HMGXB3: variants seen among roughly 807,000 people sequenced by gnomAD.
HMGXB3 encodes HMG-box containing 3, also known as HMG domain-containing protein 3.
Under a neutral mutation model 121.5 loss-of-function variants are expected in HMGXB3, and 45 were observed. That is an observed-to-expected ratio of 0.37 (90% CI 0.29 to 0.47). HMGXB3 has a LOEUF of 0.47. HMGXB3 is among the 20% of genes least tolerant of loss of function. The probability of loss-of-function intolerance (pLI) is 0.99; values close to 1 mark genes in which losing one functional copy is unlikely to be tolerated. For missense variants in HMGXB3, 1,376 were observed against 1,602.2 expected (o/e 0.86, Z 2.41); for synonymous variants, 590 against 624.1 (o/e 0.95, Z 0.81).
At chr5:150,002,277 C>T (rs2113718688) in intron 1 of HMGXB3, among the ~76,000 whole-genome samples, 1 of 152,110 alleles carries the variant, frequency 6.6e-6, no homozygotes, top group East Asian at 1.9e-4. Flanking sequence ...GCTTTCGCAA[C>T]ATTGTCAAAA....
At chr5:150,012,418 A>G in intron 5 of HMGXB3, 65 bp downstream of exon 5, 1 of 1,146,522 alleles carries the variant, frequency 8.7e-7, no homozygotes, top group Non-Finnish European at 1.3e-6. Flanking sequence ...TTCTAAGTAG[A>G]TTTGTCTTTT....
chr5:150,025,910 A>G (rs1756218527), intron 7 of HMGXB3, among the ~76,000 whole-genome samples: 1 of 151,422 alleles, frequency 6.6e-6, no homozygotes, highest in African/African-American at 2.4e-5. Context: ...GTCTCACTGC[A>G]AGCTCCGCCT....
intron 3 of HMGXB3, among the ~76,000 whole-genome samples, chr5:150,008,885 T>G (rs1052437478): frequency 6.6e-6 from 1 of 152,260 alleles, no homozygotes; most frequent in Non-Finnish European, 1.5e-5. Context: ...TCAGTCCATC[T>G]GCTTTTATGT....
intron 4 of HMGXB3, among the ~76,000 whole-genome samples, chr5:150,011,814 G>A (rs7711702): frequency 0.046 from 6,902 of 151,442 alleles, 542 homozygotes; most frequent in African/African-American, 0.16. Flanking sequence ...GTTTCACCAC[G>A]TTGGCCAGGC....
chr5:150,027,202 C>A, intron 9 of HMGXB3, 85 bp downstream of exon 9: 1 of 1,021,106 alleles, frequency 9.8e-7, no homozygotes, highest in Non-Finnish European at 1.4e-6. Flanking sequence ...AAAGGCACAT[C>A]CCATTTCTTA....
Position 150,051,987 on chromosome 5 carries a change from C to T in HMGXB3, c.3674C>T (p.Ala1225Val), listed in dbSNP as rs1219532512. ...VRQRPIAFDN[A>V]THYYLYNRLM... ...CAGCGGCCCATTGCCTTCGACAATG[C>T]CACTCACTATTACCTCTACAACCGC... Residue 1225 changes from alanine to valine, a missense_variant, in exon 20 of 20, where the codon GCC becomes GTC. By Grantham distance (64) the Ala-to-Val change is moderately conservative. Coordinates refer to ENST00000502717, the MANE Select transcript of HMGXB3 (RefSeq NM_014983.3). The T allele has an allele frequency of 9.0e-6, 14 of 1,552,092 alleles. No homozygotes were observed. The highest frequency in any genetic ancestry group is 4.8e-5 in the South Asian group (4 of 84,064).
At chr5:150,015,709 C>A (rs1009531184) in intron 5 of HMGXB3, among the ~76,000 whole-genome samples, 1 of 152,204 alleles carries the variant, frequency 6.6e-6, no homozygotes, top group Non-Finnish European at 1.5e-5. Context: ...CAAATACTTT[C>A]TAATTTACTT....
intron 15 of HMGXB3, among the ~76,000 whole-genome samples, chr5:150,042,808 C>CT (rs752377961): frequency 3.9e-5 from 6 of 152,176 alleles, no homozygotes; most frequent in Non-Finnish European, 5.9e-5. Flanking sequence ...ACTCAGATGG[C>CT]TTCATAGATT....
intron 3 of HMGXB3, among the ~76,000 whole-genome samples, chr5:150,009,877 C>G (rs550710168): frequency 1.8e-4 from 27 of 152,220 alleles, no homozygotes; most frequent in Admixed American, 1.0e-3. Context: ...CATGCTGTTT[C>G]CTGTGTGACT....
intron 11 of HMGXB3, among the ~76,000 whole-genome samples, chr5:150,036,236 C>T (rs952583987): frequency 5.3e-5 from 8 of 152,178 alleles, no homozygotes; most frequent in Non-Finnish European, 8.8e-5. Context: ...GTTGACTATC[C>T]TGTATCTGAA....
chr5:150,006,524 G>GC lies in HMGXB3; in HGVS notation c.190dup (p.Leu64ProfsTer8). 1 of 1,551,944 alleles carries GC rather than the reference G, an allele frequency of 6.4e-7. No homozygotes were observed. Among genetic ancestry groups the GC allele is most frequent in the Non-Finnish European group, 8.7e-7 (1 of 1,147,036 alleles). ...ACATCTACCTGAAAGTGCAGCAGGA[G>GC]CTCCCCCACCTCCCTCAGTCTGAGA... On this transcript the variant is annotated frameshift_variant, in exon 3 of 20. Coordinates refer to ENST00000502717, the MANE Select transcript of HMGXB3 (RefSeq NM_014983.3).
chr5:150,021,633 A>G, intron 6 of HMGXB3: 1 of 520,120 alleles, frequency 1.9e-6, no homozygotes, highest in South Asian at 1.5e-5. Flanking sequence ...TAATTTGCTT[A>G]ACAATCTCAG....
chr5:150,031,281 G>A (rs1756371517), intron 10 of HMGXB3, among the ~76,000 whole-genome samples: 1 of 152,188 alleles, frequency 6.6e-6, no homozygotes, highest in African/African-American at 2.4e-5. Context: ...AGCTTATTTT[G>A]TTTAGCCTAG....
chr5:150,002,439 T>C (rs1395067970), intron 1 of HMGXB3, among the ~76,000 whole-genome samples: 2 of 152,208 alleles, frequency 1.3e-5, no homozygotes, highest in African/African-American at 4.8e-5. Context: ...CATTATACCT[T>C]ATTTGTGGAG....
chr5:150,010,000 T>G, intron 3 of HMGXB3, 111 bp from the exon 4 acceptor site: 1 of 1,209,750 alleles, frequency 8.3e-7, no homozygotes, highest in Non-Finnish European at 1.1e-6. Flanking sequence ...TCCAGTCCCT[T>G]TTGCAGGAAA....
chr5:150,005,137 T>C, intron 2 of HMGXB3, 148 bp downstream of exon 2: 17 of 1,098,934 alleles, frequency 1.5e-5, no homozygotes, highest in Non-Finnish European at 2.0e-5. Context: ...AGTGGAGGGA[T>C]TTCTGCCAGC....
In HMGXB3 at chr5:150,052,204, G is replaced by A. The variant is rs1412309751; in HGVS notation, c.*12G>A. On this transcript the variant is annotated 3_prime_UTR_variant, in exon 20 of 20. Transcript: ENST00000502717. ...CAGTGGCAGAATAAGCCAGGCTGTT[G>A]TACAGGGACTACACCATCTCTCAAG... The A allele has an allele frequency of 3.9e-6, 6 of 1,522,202 alleles. No homozygotes were observed. The highest frequency in any genetic ancestry group is 1.2e-5 in the South Asian group (1 of 82,502). 94.3% of individuals were successfully genotyped at this position (1,522,202 alleles called of 1,614,324 possible).
Position 150,036,749 on chromosome 5 carries a change from T to G in HMGXB3, c.2097T>G (p.Ile699Met), listed in dbSNP as rs1212790479. 2 of 1,551,704 alleles carry G rather than the reference T, an allele frequency of 1.3e-6. No individual in the cohort carries two copies. The highest frequency in any genetic ancestry group is 2.0e-5 in the Admixed American group (1 of 51,002). The change falls in exon 12 of 20, where the codon ATT becomes ATG. Residue 699 changes from isoleucine (I) to methionine (M), a missense_variant. Ile to Met is a conservative substitution (Grantham distance 10, BLOSUM62 1). Coordinates refer to ENST00000502717, the MANE Select transcript of HMGXB3 (RefSeq NM_014983.3). ...AGCTGCTGCGCAAAGTCCTGCAGAT[T>G]CCTGAGAATGAGTCAGAGCTGGCTG... ...TLQLLRKVLQ[I>M]PENESELAEV...
Position 150,018,568 on chromosome 5 carries a change from C to G in HMGXB3, c.912C>G (p.Thr304=). 1 of 1,544,550 alleles carries G rather than the reference C, an allele frequency of 6.5e-7. No individual in the cohort carries two copies. Among genetic ancestry groups the G allele is most frequent in the Non-Finnish European group, 8.7e-7 (1 of 1,143,856 alleles). Residue 304 remains threonine (T), a splice_region_variant and synonymous_variant, in exon 6 of 20, where the codon ACC becomes ACG. Transcript: ENST00000502717. ...VVENPTSIKL[T]TTYTRRGHGT... ...TCTGATGTGCTCTTTATTTACAGAC[C>G]ACTACATATACCCGCCGGGGCCATG... is the stretch of plus-strand genomic sequence containing the variant.
Sources: allele counts gnomAD v4.1 joint callset (sites outside exome capture counted in the v4.1 genomes callset), GRCh38; gene constraint gnomAD v4.1.1; transcripts MANE v1.5; gene names NCBI Gene and HGNC (gene_info 2026-07-23, HGNC 2026-07-21).